The following FAM168A variants were observed in gnomAD, a reference collection of about 807,000 sequenced individuals.
The protein encoded by FAM168A is protein FAM168A.
FAM168A carries 3 observed loss-of-function variants against 28.5 expected under a neutral mutation model. That is an observed-to-expected ratio of 0.11 (90% confidence interval 0.05 to 0.27). The LOEUF (loss-of-function observed/expected upper bound fraction) is 0.27, where lower values mean the gene tolerates loss of function less well. FAM168A is among the 10% of genes least tolerant of loss of function. The pLI is 1.00. For synonymous variants in FAM168A, 122 were observed against 124.2 expected (o/e 0.98, Z 0.12); for missense variants, 222 against 311.5 (o/e 0.71, Z 2.16).
At chr11:73,464,927 T>A (rs993285200) in intron 2 of FAM168A, among the ~76,000 whole-genome samples, 1 of 151,742 alleles carries the variant, frequency 6.6e-6, no homozygotes, top group Admixed American at 6.6e-5. Context: ...TTATCTGATG[T>A]CATATAGCTC....
At chr11:73,421,621 G>T (rs968362148) in intron 3 of FAM168A, among the ~76,000 whole-genome samples, 3 of 152,060 alleles carry the variant, frequency 2.0e-5, no homozygotes, top group Non-Finnish European at 2.9e-5. Flanking sequence ...TCTTTGGGGG[G>T]GTGGGAAACA....
At chr11:73,572,341 C>T (rs1944109797) in intron 1 of FAM168A, among the ~76,000 whole-genome samples, 1 of 151,790 alleles carries the variant, frequency 6.6e-6, no homozygotes, top group African/African-American at 2.4e-5. Flanking sequence ...AGTGAGGAGC[C>T]CCTCTGCCCA....
chr11:73,547,133 AAAG>A (rs1320913400), intron 1 of FAM168A, among the ~76,000 whole-genome samples: 1 of 149,628 alleles, frequency 6.7e-6, no homozygotes, highest in Non-Finnish European at 1.5e-5. Context: ...GAAGAAAGAA[AAAG>A]GAGGAGGAGT....
intron 1 of FAM168A, among the ~76,000 whole-genome samples, chr11:73,562,841 A>C (rs1187174230): frequency 1.3e-5 from 2 of 152,088 alleles, no homozygotes; most frequent in Non-Finnish European, 2.9e-5. Context: ...AAAGAATAAA[A>C]GGTTACCTAC....
At chr11:73,484,578 C>CTATATATT (rs56265923) in intron 1 of FAM168A, among the ~76,000 whole-genome samples, 2 of 70,618 alleles carry the variant, frequency 2.8e-5, no homozygotes, top group African/African-American at 8.0e-5. Context: ...ATCTATATAT[C>CTATATATT]GATATCTATC....
At chr11:73,520,800 C>A (rs1943365432) in intron 1 of FAM168A, among the ~76,000 whole-genome samples, 1 of 151,194 alleles carries the variant, frequency 6.6e-6, no homozygotes, top group Admixed American at 6.6e-5. Context: ...TTGTTCCTCT[C>A]TTATCAGGTG....
At chr11:73,515,454 G>A (rs1187583720) in intron 1 of FAM168A, among the ~76,000 whole-genome samples, 1 of 149,946 alleles carries the variant, frequency 6.7e-6, no homozygotes, top group African/African-American at 2.5e-5. Context: ...GTTGCAGTGA[G>A]CCGAGATTGT....
intron 2 of FAM168A, among the ~76,000 whole-genome samples, chr11:73,461,323 G>T (rs1021445255): frequency 1.3e-4 from 20 of 152,154 alleles, no homozygotes; most frequent in African/African-American, 4.6e-4. Context: ...TCGCCATGTT[G>T]CTCAGGCTGG....
At chr11:73,551,682 A>C (rs1251340262) in intron 1 of FAM168A, among the ~76,000 whole-genome samples, 1 of 152,238 alleles carries the variant, frequency 6.6e-6, no homozygotes, top group African/African-American at 2.4e-5. Flanking sequence ...AGTTTAATGA[A>C]ACATTTCCTA....
intron 2 of FAM168A, among the ~76,000 whole-genome samples, chr11:73,457,747 A>G (rs1381763560): frequency 1.2e-4 from 16 of 134,398 alleles, no homozygotes; most frequent in African/African-American, 3.9e-4. Context: ...AAAAAAAAAA[A>G]AAAGAAAAGA....
intron 1 of FAM168A, among the ~76,000 whole-genome samples, chr11:73,515,522 A>AAG (rs1434729609): frequency 6.6e-6 from 1 of 151,446 alleles, no homozygotes; most frequent in African/African-American, 2.4e-5. Flanking sequence ...AAAAAAAAAA[A>AAG]AAAGAAAAGA....
intron 2 of FAM168A, among the ~76,000 whole-genome samples, chr11:73,464,743 C>A (rs1867706901): frequency 6.6e-6 from 1 of 152,192 alleles, no homozygotes; most frequent in Non-Finnish European, 1.5e-5. Flanking sequence ...CATCTGTTCT[C>A]CCGTTTTAGA....
In FAM168A at chr11:73,403,342, G is replaced by T. The variant is rs1866446877; in HGVS notation, c.*3421C>A. 1 of 152,200 alleles carries T rather than the reference G, an allele frequency of 6.6e-6. No individual in the cohort carries two copies. Among genetic ancestry groups the T allele is most frequent in the Non-Finnish European group, 1.5e-5 (1 of 68,042 alleles). 9.4% of individuals were successfully genotyped at this position (152,200 alleles called of 1,614,324 possible). On this transcript the variant is annotated 3_prime_UTR_variant, in exon 8 of 8. Coordinates refer to ENST00000356467, the MANE Select transcript of FAM168A (RefSeq NM_015159.3). ...AACTTCTTGACCCCAGGCCAGTGAG[G>T]AGAGGGGGTCAGGTAGAAGTAGAAG...
At chr11:73,437,878 A>G (rs2134523071) in intron 2 of FAM168A, among the ~76,000 whole-genome samples, 1 of 152,140 alleles carries the variant, frequency 6.6e-6, no homozygotes, top group East Asian at 1.9e-4. Context: ...TTCAAATCCA[A>G]CAGACCCAGT....
intron 1 of FAM168A, among the ~76,000 whole-genome samples, chr11:73,526,191 A>T (rs902963384): frequency 1.3e-5 from 2 of 152,266 alleles, no homozygotes; most frequent in African/African-American, 4.8e-5. Context: ...CCAGTATAAA[A>T]TGTATAATAA....
intron 1 of FAM168A, among the ~76,000 whole-genome samples, chr11:73,549,786 C>G (rs1378068533): frequency 6.6e-6 from 1 of 152,168 alleles, no homozygotes; most frequent in Non-Finnish European, 1.5e-5. Flanking sequence ...ACCATCATCC[C>G]AACTTGTGGA....
chr11:73,544,800 A>AATTATATATCATATATAATAAATTT (rs1943707917), intron 1 of FAM168A, among the ~76,000 whole-genome samples: 1 of 110,648 alleles, frequency 9.0e-6, no homozygotes, highest in Non-Finnish European at 1.7e-5. Context: ...TTATATATGT[A>AATTATATATCATATATAATAAATTT]ATTATATATC....
chr11:73,571,103 G>GA (rs894289838), intron 1 of FAM168A, among the ~76,000 whole-genome samples: 4 of 151,914 alleles, frequency 2.6e-5, no homozygotes, highest in African/African-American at 9.7e-5. Flanking sequence ...CATCCCCCTG[G>GA]AAAAAAATGA....
intron 1 of FAM168A, among the ~76,000 whole-genome samples, chr11:73,523,078 C>T (rs1356961872): frequency 6.6e-5 from 10 of 152,156 alleles, no homozygotes; most frequent in Non-Finnish European, 1.5e-5. Context: ...GCTGGAACCA[C>T]AGGTTTACTC....
Sources: allele counts gnomAD v4.1 joint callset (sites outside exome capture counted in the v4.1 genomes callset), GRCh38; gene constraint gnomAD v4.1.1; transcripts MANE v1.5; gene names NCBI Gene and HGNC (gene_info 2026-07-23, HGNC 2026-07-21).